DLG1: variants seen among roughly 807,000 people sequenced by gnomAD.
The protein encoded by DLG1 is discs large MAGUK scaffold protein 1, also known as disks large homolog 1.
In DLG1, 42 loss-of-function variants were observed where a neutral mutation model predicts 123.4. The observed-to-expected ratio is 0.34, with a 90% confidence interval of 0.27 to 0.44. The LOEUF (loss-of-function observed/expected upper bound fraction) is 0.44, where lower values mean the gene tolerates loss of function less well. Among genes scored for constraint, DLG1 ranks in the 20% least tolerant of loss-of-function variants. The pLI, the probability that DLG1 is intolerant of heterozygous loss-of-function variation, is 1.00. For missense variants in DLG1, 942 were observed against 1,082.6 expected, an observed-to-expected ratio of 0.87 and a Z score of 1.82; for synonymous variants, 317 against 356.2, an observed-to-expected ratio of 0.89 and a Z score of 1.24.
intron 7 of DLG1, among the ~76,000 whole-genome samples, chr3:197,140,534 C>T (rs1193197632): frequency 6.6e-6 from 1 of 152,152 alleles, no homozygotes; most frequent in Non-Finnish European, 1.5e-5. Context: ...GTATGTGCAA[C>T]TTGTCGTTGG....
intron 4 of DLG1, among the ~76,000 whole-genome samples, chr3:197,244,307 A>T (rs1438959146): frequency 6.6e-6 from 1 of 152,192 alleles, no homozygotes; most frequent in Non-Finnish European, 1.5e-5. Flanking sequence ...ACTACCATAC[A>T]GTTCATGCCT....
chr3:197,163,752 T>TG (rs1456848370), intron 5 of DLG1, among the ~76,000 whole-genome samples: 1 of 145,198 alleles, frequency 6.9e-6, no homozygotes, highest in Non-Finnish European at 1.5e-5. Flanking sequence ...TTGGCCAGGC[T>TG]GGTCTTGAAC....
chr3:197,140,358 A>T, intron 7 of DLG1, 94 bp from the exon 8 acceptor site: 5 of 1,286,208 alleles, frequency 3.9e-6, no homozygotes, highest in Non-Finnish European at 5.4e-6. Context: ...TACTAACATA[A>T]GGAACACAAC....
At chr3:197,178,920 G>A (rs1049717942) in intron 5 of DLG1, among the ~76,000 whole-genome samples, 3 of 152,142 alleles carry the variant, frequency 2.0e-5, no homozygotes, top group Admixed American at 6.6e-5. Context: ...ATAGAGGCAA[G>A]TCTAGGGGCA....
At chr3:197,241,332 T>TA (rs1440643607) in intron 4 of DLG1, among the ~76,000 whole-genome samples, 1 of 151,702 alleles carries the variant, frequency 6.6e-6, no homozygotes, top group Admixed American at 6.6e-5. Context: ...GAAGGGGAGA[T>TA]AAAGACTCCC....
At chr3:197,220,049 C>G (rs1175211277) in intron 4 of DLG1, among the ~76,000 whole-genome samples, 13 of 152,282 alleles carry the variant, frequency 8.5e-5, no homozygotes, top group Middle Eastern at 3.4e-3. Context: ...ATCGTCTCCA[C>G]TGACAGAATT....
At chr3:197,113,463 T>C (rs1281102251) in intron 13 of DLG1, among the ~76,000 whole-genome samples, 1 of 152,220 alleles carries the variant, frequency 6.6e-6, no homozygotes, top group African/African-American at 2.4e-5. Flanking sequence ...GTCTTCTTGA[T>C]GAAATGACAC....
intron 4 of DLG1, among the ~76,000 whole-genome samples, chr3:197,203,686 A>C (rs1212099247): frequency 6.6e-6 from 1 of 152,184 alleles, no homozygotes; most frequent in Admixed American, 6.5e-5. Flanking sequence ...CAAAATCCTC[A>C]CTTTCACTTT....
intron 1 of DLG1, chr3:197,297,868 G>GCCCGGCCCCGCTCCACGTAC: frequency 5.1e-6 from 5 of 985,366 alleles, no homozygotes; most frequent in Non-Finnish European, 6.0e-6. Context: ...CAGCTCCCCA[G>GCCCGGCCCCGCTCCACGTAC]CCCGGCCCCG....
In DLG1 at chr3:197,051,579, G is replaced by A; in HGVS notation, c.2573C>T (p.Thr858Ile). 2 of 1,613,260 alleles carry A rather than the reference G, an allele frequency of 1.2e-6. No homozygotes were observed. Among genetic ancestry groups the A allele is most frequent in the Non-Finnish European group, 1.7e-6 (2 of 1,179,304 alleles). The change falls in exon 24 of 25, where the codon ACA becomes ATA. Residue 858 changes from threonine (T) to isoleucine (I), a missense_variant and splice_region_variant. Coordinates refer to ENST00000667157, the MANE Select transcript of DLG1 (RefSeq NM_001366207.1). Reference protein sequence around the residue: ...KLEQEFTEHFTAIVQGDTLED... With the variant: ...KLEQEFTEHFIAIVQGDTLED... ...GACTGTTACAACACGGTTCCAACCT[G>A]TGAAATGTTCAGTAAACTCCTGTTC... is the stretch of plus-strand genomic sequence containing the variant.
rs781685559 is a variant in DLG1 at position 197,069,211 on chromosome 3, A to T, written c.2047+8T>A. 5.1e-6 allele frequency: 8 copies of T among 1,580,668 alleles called. No individual in the cohort carries two copies. The highest frequency in any genetic ancestry group is 6.9e-6 in the Non-Finnish European group (8 of 1,161,734). On this transcript the variant is annotated splice_region_variant and intron_variant, in intron 19 of 24. Coordinates refer to ENST00000667157, the MANE Select transcript of DLG1 (RefSeq NM_001366207.1). ...ATTACAAAAGAACAAGTAACTTAAA[A>T]CACTTACGGTAACTACTTTCACTAT...
At chr3:197,245,556 T>A (rs73088438) in intron 4 of DLG1, among the ~76,000 whole-genome samples, 1,631 of 152,274 alleles carry the variant, frequency 0.011, 31 homozygotes, top group African/African-American at 0.037. Context: ...ATCCATAGAC[T>A]TTAAGAACTG....
At chr3:197,173,537 TCTTTA>T (rs1220334543) in intron 5 of DLG1, among the ~76,000 whole-genome samples, 1 of 152,220 alleles carries the variant, frequency 6.6e-6, no homozygotes, top group Non-Finnish European at 1.5e-5. Flanking sequence ...TACCCAGTAC[TCTTTA>T]CTTATCTCTT....
intron 14 of DLG1, among the ~76,000 whole-genome samples, chr3:197,103,371 TCCTTATAAA>T (rs933099021): frequency 6.6e-6 from 1 of 152,104 alleles, no homozygotes; most frequent in Non-Finnish European, 1.5e-5. Flanking sequence ...AAGTTTATAT[TCCTTATAAA>T]CATATAAATG....
intron 10 of DLG1, among the ~76,000 whole-genome samples, chr3:197,131,580 CTTTCT>C (rs1782498093): frequency 1.5e-4 from 18 of 120,732 alleles, no homozygotes; most frequent in Admixed American, 9.5e-4. Context: ...TTATTTCTTC[CTTTCT>C]TTTTTTTTTT....
intron 24 of DLG1, among the ~76,000 whole-genome samples, chr3:197,047,541 GA>G (rs34189947): frequency 2.0e-5 from 3 of 150,812 alleles, no homozygotes; most frequent in African/African-American, 7.3e-5. Flanking sequence ...ACTTGAGGAG[GA>G]AGTTAAAGGA....
intron 23 of DLG1, among the ~76,000 whole-genome samples, chr3:197,053,964 T>C (rs1729797069): frequency 6.6e-6 from 1 of 151,128 alleles, no homozygotes; most frequent in African/African-American, 2.4e-5. Flanking sequence ...TGGCGGTGCA[T>C]GTCTGTAGCC....
At chr3:197,187,390 T>G (rs1383842677) in intron 5 of DLG1, among the ~76,000 whole-genome samples, 1 of 152,188 alleles carries the variant, frequency 6.6e-6, no homozygotes, top group East Asian at 1.9e-4. Context: ...TTTCTTACAA[T>G]TTTTTAAAAA....
chr3:197,085,284 T>C (rs1753665817), intron 16 of DLG1: 3 of 372,242 alleles, frequency 8.1e-6, no homozygotes, highest in Non-Finnish European at 1.5e-5. Flanking sequence ...TACCTGTAGT[T>C]GCCATGCTTA....
Sources: gnomAD v4.1 joint callset for allele counts (sites outside exome capture counted in the v4.1 genomes callset) on GRCh38, gnomAD v4.1.1 for gene constraint, MANE v1.5 for transcripts, NCBI Gene and HGNC (gene_info 2026-07-23, HGNC 2026-07-21) for gene names.